The following KRTAP10-2 variants were observed in gnomAD, a reference collection of about 807,000 sequenced individuals.
KRTAP10-2 encodes the protein keratin-associated protein 10-2.
For synonymous variants in KRTAP10-2, 134 were observed against 135.5 expected, an observed-to-expected ratio of 0.99 and a Z score of 0.08; for missense variants, 295 against 319.5, an observed-to-expected ratio of 0.92 and a Z score of 0.58.
In KRTAP10-2 at chr21:44,551,131, A is replaced by T. The variant is rs1555918740; in HGVS notation, c.328T>A (p.Cys110Ser). Reference sequence around the variant, plus strand: ...GAAGCCCCACAGCAGACGGGCACACAGCACACAGGCTTGCAGCAGACGGGC... The same window carrying T: ...GAAGCCCCACAGCAGACGGGCACACTGCACACAGGCTTGCAGCAGACGGGC... ...CVPVCCKPVC[C>S]VPVCCGASSC... Residue 110 changes from cysteine (C) to serine (S), a missense_variant, in exon 1 of 1, where the codon TGT (cysteine) becomes AGT (serine). Physicochemically the swap from Cys to Ser is moderately radical, Grantham distance 112 (BLOSUM62 -1). Coordinates refer to ENST00000391621, the MANE Select transcript of KRTAP10-2 (RefSeq NM_198693.4). The T allele has an allele frequency of 6.4e-7, 1 of 1,562,692 alleles. No homozygotes were observed. Among genetic ancestry groups the T allele is most frequent in the Admixed American group, 1.7e-5 (1 of 57,448 alleles).
chr21:44,551,415 T>C lies in KRTAP10-2; in HGVS notation c.44A>G (p.Asn15Ser). The C allele has an allele frequency of 6.2e-7, 1 of 1,612,626 alleles. No individual in the cohort carries two copies. The highest frequency in any genetic ancestry group is 8.5e-7 in the Non-Finnish European group (1 of 1,179,724). Residue 15 changes from asparagine to serine, a missense_variant, in exon 1 of 1, where the codon AAC becomes AGC. By Grantham distance (46) the Asn-to-Ser change is conservative. Transcript: ENST00000391621. Reference protein sequence around the residue: ...TMSICSSACTNSWQVDDCPES... With the variant: ...TMSICSSACTSSWQVDDCPES... ...TGGGCAGTCGTCCACCTGCCAGGAG[T>C]TGGTGCAGGCGCTGGAGCAGATGGA...
Position 44,550,631 on chromosome 21 carries a change from G to A in KRTAP10-2, c.*60C>T. ...TGTGCTGAGGCTGGGTGGGCTGGGA[G>A]GTCCAAGGACTGGCAGGGAGGTGGG... On this transcript the variant is annotated 3_prime_UTR_variant, in exon 1 of 1. Transcript: ENST00000391621. 2 of 1,589,594 alleles carry A rather than the reference G, an allele frequency of 1.3e-6. No homozygotes were observed. The highest frequency in any genetic ancestry group is 1.7e-6 in the Non-Finnish European group (2 of 1,167,260).
At position 44,551,346 on chromosome 21, in the gene KRTAP10-2, G is replaced by A; in HGVS notation, c.113C>T (p.Ala38Val). The change falls in exon 1 of 1, where the codon GCC (alanine) becomes GTC (valine). Residue 38 changes from alanine to valine, a missense_variant. By Grantham distance (64) the Ala-to-Val change is moderately conservative. Coordinates refer to ENST00000391621, the MANE Select transcript of KRTAP10-2 (RefSeq NM_198693.4). ...GACCAGGGTCAGGCAGGGGGCTGGGGCACAGCAGCTGGGGGTGCCGCAGGG... is the reference window on the plus strand; with the variant it reads ...GACCAGGGTCAGGCAGGGGGCTGGGACACAGCAGCTGGGGGTGCCGCAGGG... Reference protein sequence around the residue: ...ELPCGTPSCCAPAPCLTLVCT... With the variant: ...ELPCGTPSCCVPAPCLTLVCT... 6.2e-7 allele frequency: 1 copy of A among 1,613,144 alleles called. No individual in the cohort carries two copies. Among genetic ancestry groups the A allele is most frequent in the Non-Finnish European group, 8.5e-7 (1 of 1,179,960 alleles).
chr21:44,550,640 A>T lies in KRTAP10-2; in HGVS notation c.*51T>A. 6.3e-7 allele frequency: 1 copy of T among 1,598,054 alleles called. No homozygotes were observed. Among genetic ancestry groups the T allele is most frequent in the Non-Finnish European group, 8.5e-7 (1 of 1,171,868 alleles). Reference sequence around the variant, plus strand: ...GCTGGGTGGGCTGGGAGGTCCAAGGACTGGCAGGGAGGTGGGGCCTGAGCC... The same window carrying T: ...GCTGGGTGGGCTGGGAGGTCCAAGGTCTGGCAGGGAGGTGGGGCCTGAGCC... On this transcript the variant is annotated 3_prime_UTR_variant, in exon 1 of 1. Transcript: ENST00000391621.
At position 44,551,486 on chromosome 21, in the gene KRTAP10-2, G is replaced by A. The variant is rs782380665; in HGVS notation, c.-28C>T. 6.3e-7 allele frequency: 1 copy of A among 1,586,976 alleles called. No homozygotes were observed. The highest frequency in any genetic ancestry group is 1.7e-5 in the Admixed American group (1 of 59,010). The stretch of plus-strand genomic sequence containing the variant: ...TGGAGTGGGGAGGAGGTGAGCTGGG[G>A]GAGGTGTGTGAGTGAGTGAGTGTGT... On this transcript the variant is annotated 5_prime_UTR_variant, in exon 1 of 1. Transcript: ENST00000391621.
In KRTAP10-2 at chr21:44,551,328, G is replaced by A; in HGVS notation, c.131C>T (p.Thr44Ile). Residue 44 changes from threonine (T) to isoleucine (I), a missense_variant, in exon 1 of 1, where the codon ACC becomes ATC. By Grantham distance (89) the Thr-to-Ile change is moderately conservative. Coordinates refer to ENST00000391621, the MANE Select transcript of KRTAP10-2 (RefSeq NM_198693.4). ...ACAGCTCACTGGGGTGCAGACCAGG[G>A]TCAGGCAGGGGGCTGGGGCACAGCA... ...PSCCAPAPCL[T>I]LVCTPVSCVS... is the part of the protein sequence containing the mutation. The A allele has an allele frequency of 1.9e-6, 3 of 1,613,258 alleles. No individual in the cohort carries two copies. Among genetic ancestry groups the A allele is most frequent in the Non-Finnish European group, 2.5e-6 (3 of 1,179,940 alleles).
chr21:44,551,210 A>C lies in KRTAP10-2; in HGVS notation c.249T>G (p.Ser83=). 1 of 1,586,678 alleles carries C rather than the reference A, an allele frequency of 6.3e-7. No homozygotes were observed. The highest frequency in any genetic ancestry group is 8.7e-7 in the Non-Finnish European group (1 of 1,155,944). The change falls in exon 1 of 1, where the codon TCT becomes TCG. Residue 83 remains serine, a synonymous_variant. Coordinates refer to ENST00000391621, the MANE Select transcript of KRTAP10-2 (RefSeq NM_198693.4). The part of the protein sequence containing the change: ...SSCTPSCCQQ[S]SCQPACCTSS... Reference sequence around the variant, plus strand: ...AGGTGCAGCAAGCCGGCTGGCAGCTAGACTGCTGGCAGCACGAGGGCGTGC... The same window carrying C: ...AGGTGCAGCAAGCCGGCTGGCAGCTCGACTGCTGGCAGCACGAGGGCGTGC...
rs2146029705 is a variant in KRTAP10-2 at position 44,550,736 on chromosome 21, G to A, written c.723C>T (p.Arg241=). Residue 241 remains arginine (R), a synonymous_variant, in exon 1 of 1, where the codon CGC becomes CGT. Coordinates refer to ENST00000391621, the MANE Select transcript of KRTAP10-2 (RefSeq NM_198693.4). ...VSLLCRPVCS[R]PASCSFSSGQ... ...CTGAGGAAAAGCTGCAGGAGGCTGG[G>A]CGGGAGCACACGGGGCGGCAGAGGA... 6.2e-7 allele frequency: 1 copy of A among 1,614,080 alleles called. No homozygotes were observed. Among genetic ancestry groups the A allele is most frequent in the East Asian group, 2.2e-5 (1 of 44,872 alleles).
chr21:44,551,464 A>G lies in KRTAP10-2; in HGVS notation c.-6T>C, dbSNP rs587757087. On this transcript the variant is annotated 5_prime_UTR_variant, in exon 1 of 1. Transcript: ENST00000391621. ...GACATGGTGGAGGCGGCCATGCTGGAGTGGGGAGGAGGTGAGCTGGGGGAG... is the reference window on the plus strand; with the variant it reads ...GACATGGTGGAGGCGGCCATGCTGGGGTGGGGAGGAGGTGAGCTGGGGGAG... 55 of 1,601,500 alleles carry G rather than the reference A, an allele frequency of 3.4e-5. No homozygotes were observed. Among genetic ancestry groups the G allele is most frequent in the Non-Finnish European group, 4.3e-5 (50 of 1,174,828 alleles).
Position 44,550,674 on chromosome 21 carries a change from C to G in KRTAP10-2, c.*17G>C, listed in dbSNP as rs1555918463. ...GAGGTGGGGCCTGAGCCCGGCTGGC[C>G]CTGGGGGACATGGCCATCAGCAGCT... On this transcript the variant is annotated 3_prime_UTR_variant, in exon 1 of 1. Coordinates refer to ENST00000391621, the MANE Select transcript of KRTAP10-2 (RefSeq NM_198693.4). 2 of 1,612,408 alleles carry G rather than the reference C, an allele frequency of 1.2e-6. No individual in the cohort carries two copies. The highest frequency in any genetic ancestry group is 2.2e-5 in the South Asian group (2 of 90,962).
At position 44,551,146 on chromosome 21, in the gene KRTAP10-2, A is replaced by G; in HGVS notation, c.313T>C (p.Cys105Arg). 2 of 1,559,792 alleles carry G rather than the reference A, an allele frequency of 1.3e-6. No homozygotes were observed. Among genetic ancestry groups the G allele is most frequent in the Non-Finnish European group, 1.8e-6 (2 of 1,141,198 alleles). ...CQQACCVPVC[C>R]KPVCCVPVCC... ...ACGGGCACACAGCACACAGGCTTGC[A>G]GCAGACGGGCACGCAGCAGGCCTGC... is the stretch of plus-strand genomic sequence containing the variant. Residue 105 changes from cysteine to arginine, a missense_variant, in exon 1 of 1, where the codon TGC becomes CGC. Coordinates refer to ENST00000391621, the MANE Select transcript of KRTAP10-2 (RefSeq NM_198693.4).
Position 44,551,387 on chromosome 21 carries a change from C to G in KRTAP10-2, c.72G>C (p.Glu24Asp), listed in dbSNP as rs782142978. 5 of 1,613,322 alleles carry G rather than the reference C, an allele frequency of 3.1e-6. No homozygotes were observed. In the East Asian group the frequency reaches 8.9e-5, roughly 29 times the overall value. Reference protein sequence around the residue: ...TNSWQVDDCPESCCELPCGTP... With the variant: ...TNSWQVDDCPDSCCELPCGTP... ...TGCCGCAGGGGAGCTCACAGCAGCTCTCTGGGCAGTCGTCCACCTGCCAGG... is the reference window on the plus strand; with the variant it reads ...TGCCGCAGGGGAGCTCACAGCAGCTGTCTGGGCAGTCGTCCACCTGCCAGG... The change falls in exon 1 of 1, where the codon GAG becomes GAC. Residue 24 changes from glutamate to aspartate, a missense_variant. Glu to Asp is a conservative substitution (Grantham distance 45). Transcript: ENST00000391621.
Position 44,551,485 on chromosome 21 carries a change from G to A in KRTAP10-2, c.-27C>T, listed in dbSNP as rs2053436144. 1.4e-6 allele frequency: 2 copies of A among 1,393,028 alleles called. No homozygotes were observed. Among genetic ancestry groups the A allele is most frequent in the Non-Finnish European group, 1.9e-6 (2 of 1,026,230 alleles). 86.3% of individuals were successfully genotyped at this position (1,393,028 alleles called of 1,614,324 possible). A position where few individuals can be genotyped will look rare whatever the true frequency, so the allele number is the denominator to read the frequency against. On this transcript the variant is annotated 5_prime_UTR_variant, in exon 1 of 1. Coordinates refer to ENST00000391621, the MANE Select transcript of KRTAP10-2 (RefSeq NM_198693.4). ...CTGGAGTGGGGAGGAGGTGAGCTGG[G>A]GGAGGTGTGTGAGTGAGTGAGTGTG...
In KRTAP10-2 at chr21:44,551,043, G is replaced by A. The variant is rs1555918677; in HGVS notation, c.416C>T (p.Ser139Phe). The change falls in exon 1 of 1, where the codon TCC becomes TTC. Residue 139 changes from serine to phenylalanine, a missense_variant. Transcript: ENST00000391621. Reference sequence around the variant, plus strand: ...TTTGCAGCAGACAGGCACACGGCAGGACTGCTGGCAGGAGGAAGAGGCACA... The same window carrying A: ...TTTGCAGCAGACAGGCACACGGCAGAACTGCTGGCAGGAGGAAGAGGCACA... Reference protein sequence around the residue: ...ACCASSSCQQSCRVPVCCKAV... With the variant: ...ACCASSSCQQFCRVPVCCKAV... 3 of 1,611,956 alleles carry A rather than the reference G, an allele frequency of 1.9e-6. No homozygotes were observed. Among genetic ancestry groups the A allele is most frequent in the Non-Finnish European group, 8.5e-7 (1 of 1,178,546 alleles).
Position 44,550,641 on chromosome 21 carries a change from C to T in KRTAP10-2, c.*50G>A. The stretch of plus-strand genomic sequence containing the variant: ...CTGGGTGGGCTGGGAGGTCCAAGGA[C>T]TGGCAGGGAGGTGGGGCCTGAGCCC... On this transcript the variant is annotated 3_prime_UTR_variant, in exon 1 of 1. Transcript: ENST00000391621. 1 of 1,598,644 alleles carries T rather than the reference C, an allele frequency of 6.3e-7. No homozygotes were observed. Among genetic ancestry groups the T allele is most frequent in the Non-Finnish European group, 8.5e-7 (1 of 1,172,182 alleles).
At position 44,551,426 on chromosome 21, in the gene KRTAP10-2, G is replaced by C. The variant is rs180855850; in HGVS notation, c.33C>G (p.Ser11Arg). ...CCACCTGCCAGGAGTTGGTGCAGGC[G>C]CTGGAGCAGATGGACATGGTGGAGG... The part of the protein sequence containing the change: MAASTMSICS[S>R]ACTNSWQVDD... The change falls in exon 1 of 1, where the codon AGC becomes AGG. Residue 11 changes from serine (S) to arginine (R), a missense_variant. Coordinates refer to ENST00000391621, the MANE Select transcript of KRTAP10-2 (RefSeq NM_198693.4). The C allele has an allele frequency of 1.6e-3, 2,545 of 1,613,042 alleles. 5 individuals carry two copies. The highest frequency in any genetic ancestry group is 1.7e-3 in the Non-Finnish European group (2,036 of 1,179,760).
In KRTAP10-2 at chr21:44,551,147, G is replaced by A. The variant is rs1215022795; in HGVS notation, c.312C>T (p.Cys104=). The change falls in exon 1 of 1, where the codon TGC becomes TGT. Residue 104 remains cysteine (C), a synonymous_variant. Coordinates refer to ENST00000391621, the MANE Select transcript of KRTAP10-2 (RefSeq NM_198693.4). The stretch of plus-strand genomic sequence containing the variant: ...CGGGCACACAGCACACAGGCTTGCA[G>A]CAGACGGGCACGCAGCAGGCCTGCT... ...PCQQACCVPV[C]CKPVCCVPVC... 7 of 1,560,836 alleles carry A rather than the reference G, an allele frequency of 4.5e-6. No homozygotes were observed. Among genetic ancestry groups the A allele is most frequent in the Middle Eastern group, 1.7e-4 (1 of 5,918 alleles).
chr21:44,550,648 G>A lies in KRTAP10-2; in HGVS notation c.*43C>T, dbSNP rs782753701. ...GGCTGGGAGGTCCAAGGACTGGCAG[G>A]GAGGTGGGGCCTGAGCCCGGCTGGC... On this transcript the variant is annotated 3_prime_UTR_variant, in exon 1 of 1. Coordinates refer to ENST00000391621, the MANE Select transcript of KRTAP10-2 (RefSeq NM_198693.4). 1.9e-5 allele frequency: 30 copies of A among 1,603,132 alleles called. No individual in the cohort carries two copies. Among genetic ancestry groups the A allele is most frequent in the Admixed American group, 6.7e-5 (4 of 59,708 alleles).
chr21:44,551,418 G>C lies in KRTAP10-2; in HGVS notation c.41C>G (p.Thr14Ser), dbSNP rs2053433611. 4 of 1,613,188 alleles carry C rather than the reference G, an allele frequency of 2.5e-6. No individual in the cohort carries two copies. Among genetic ancestry groups the C allele is most frequent in the Non-Finnish European group, 3.4e-6 (4 of 1,179,856 alleles). The change falls in exon 1 of 1, where the codon ACC (threonine) becomes AGC (serine). Residue 14 changes from threonine to serine, a missense_variant. Physicochemically the swap from Thr to Ser is moderately conservative, Grantham distance 58 (BLOSUM62 1). Coordinates refer to ENST00000391621, the MANE Select transcript of KRTAP10-2 (RefSeq NM_198693.4). ...STMSICSSACTNSWQVDDCPE... is the reference protein window; with the variant it reads ...STMSICSSACSNSWQVDDCPE... ...GCAGTCGTCCACCTGCCAGGAGTTGGTGCAGGCGCTGGAGCAGATGGACAT... is the reference window on the plus strand; with the variant it reads ...GCAGTCGTCCACCTGCCAGGAGTTGCTGCAGGCGCTGGAGCAGATGGACAT...
Sources: gnomAD v4.1 joint callset for allele counts on GRCh38, gnomAD v4.1.1 for gene constraint, MANE v1.5 for transcripts, NCBI Gene and HGNC (gene_info 2026-07-23, HGNC 2026-07-21) for gene names.